NOS1: variants seen among roughly 807,000 people sequenced by gnomAD.
The protein encoded by NOS1 is NOS type I.
NOS1 carries 51 observed loss-of-function variants against 164.5 expected under a neutral mutation model. The ratio of observed to expected loss-of-function variants is 0.31; its 90% CI spans 0.25 to 0.39. The LOEUF is 0.39. Among genes scored for constraint, NOS1 ranks in the 10% least tolerant of loss-of-function variants. The probability of loss-of-function intolerance (pLI) is 1.00; values close to 1 mark genes in which losing one functional copy is unlikely to be tolerated. For synonymous variants in NOS1, 719 were observed against 745.8 expected (o/e 0.96, Z 0.59); for missense variants, 1,362 against 1,885.6 (o/e 0.72, Z 5.14).
chr12:117,270,537 C>T (rs758852783), intron 10 of NOS1, among the ~76,000 whole-genome samples: 14 of 151,810 alleles, frequency 9.2e-5, no homozygotes, highest in Non-Finnish European at 1.6e-4. Context: ...GAGTGTATGA[C>T]AGAGGAAAGT....
chr12:117,236,127 G>C (rs891501537), intron 20 of NOS1, among the ~76,000 whole-genome samples: 2 of 152,126 alleles, frequency 1.3e-5, no homozygotes, highest in Admixed American at 6.5e-5. Context: ...CTGCAAACTC[G>C]AGGATCGATT....
chr12:117,212,475 C>A lies in NOS1; in HGVS notation c.*2834G>T, dbSNP rs1184302284. 16 of 985,296 alleles carry A rather than the reference C, an allele frequency of 1.6e-5. No individual in the cohort carries two copies. The highest frequency in any genetic ancestry group is 5.2e-4 in the Middle Eastern group (1 of 1,940). The allele number at this position is 985,296 out of a possible 1,614,324, so 61.0% of individuals were successfully genotyped here. ...CTCCTCCCAAGGAGTTTAACATCAT[C>A]TCTCTGCTCTTTCACGACACAAGCT... On this transcript the variant is annotated 3_prime_UTR_variant, in exon 29 of 29. Coordinates refer to ENST00000317775, the MANE Select transcript of NOS1 (RefSeq NM_000620.5).
In NOS1 at chr12:117,285,257, T is replaced by C; in HGVS notation, c.1366A>G (p.Asn456Asp). 12 of 1,610,874 alleles carry C rather than the reference T, an allele frequency of 7.4e-6. No individual in the cohort carries two copies. The highest frequency in any genetic ancestry group is 1.0e-5 in the Non-Finnish European group (12 of 1,178,080). The part of the protein sequence containing the change: ...YICNHVKYAT[N>D]KGNLRSAITI... ...TCAGCTCACCTGAGGTTCCCTTTGT[T>C]GGTGGCATACTTGACATGGTTACAG... Residue 456 changes from asparagine (N) to aspartate (D), a missense_variant, in exon 7 of 29, where the codon AAC (asparagine) becomes GAC (aspartate). This residue lies in a region of NOS1 where 134 missense variants were observed against 267.3 expected (regional missense o/e 0.50). Coordinates refer to ENST00000317775, the MANE Select transcript of NOS1 (RefSeq NM_000620.5).
In NOS1 at chr12:117,247,464, C is replaced by A; in HGVS notation, c.2707G>T (p.Ala903Ser). Reference protein sequence around the residue: ...AYPHFCAFGHAVDTLLEELGG... With the variant: ...AYPHFCAFGHSVDTLLEELGG... Reference sequence around the variant, plus strand: ...AGTTCTTCCAGGAGGGTGTCCACAGCGTGTCCGAAGGCGCAAAAGTGAGGG... The same window carrying A: ...AGTTCTTCCAGGAGGGTGTCCACAGAGTGTCCGAAGGCGCAAAAGTGAGGG... The change falls in exon 18 of 29, where the codon GCT (alanine) becomes TCT (serine). Residue 903 changes from alanine (A) to serine (S), a missense_variant. Transcript: ENST00000317775. The A allele has an allele frequency of 6.2e-7, 1 of 1,613,008 alleles. No homozygotes were observed. The highest frequency in any genetic ancestry group is 2.2e-5 in the East Asian group (1 of 44,764).
At chr12:117,253,457 G>C (rs1871233697) in intron 17 of NOS1, among the ~76,000 whole-genome samples, 181 bp downstream of exon 17, 1 of 152,052 alleles carries the variant, frequency 6.6e-6, no homozygotes, top group African/African-American at 2.4e-5. Context: ...TGGTGCACGG[G>C]GAGACCAGGC....
rs766195009 is a variant in NOS1 at position 117,278,042 on chromosome 12, G to T, written c.1581C>A (p.Leu527=). ...GGTCATTGCCGTTGGCCTGAAGCAG[G>T]AGCGGCAGGACATCGAAGCGGCCTC... ...PPRGRFDVLP[L]LLQANGNDPE... is the part of the protein sequence containing the mutation. Residue 527 remains leucine, a synonymous_variant, in exon 9 of 29, where the codon CTC becomes CTA. Transcript: ENST00000317775. The T allele has an allele frequency of 7.4e-6, 12 of 1,614,108 alleles. No individual in the cohort carries two copies. The East Asian group carries it at 2.7e-4, about 36-fold the overall frequency.
intron 7 of NOS1, 53 bp downstream of exon 7, chr12:117,285,188 T>C: frequency 7.9e-7 from 1 of 1,271,464 alleles, no homozygotes. Flanking sequence ...CAAAGTACAA[T>C]GCTGTGGGGA....
chr12:117,286,931 C>T (rs7133438), intron 5 of NOS1, among the ~76,000 whole-genome samples: 26,780 of 152,088 alleles, frequency 0.18, 2,801 homozygotes, highest in Admixed American at 0.32. Context: ...TATAGGCATA[C>T]AGGCCGGGTA....
intron 1 of NOS1, among the ~76,000 whole-genome samples, chr12:117,361,103 G>A (rs1003237816): frequency 2.0e-5 from 3 of 152,064 alleles, no homozygotes; most frequent in Non-Finnish European, 2.9e-5. Context: ...GAAGGGGCGC[G>A]GGACGCCTGG....
At chr12:117,247,285 G>T in intron 18 of NOS1, 63 bp downstream of exon 18, 1 of 1,330,146 alleles carries the variant, frequency 7.5e-7, no homozygotes, top group Non-Finnish European at 1.0e-6. Flanking sequence ...GATGGTTTAG[G>T]TGCTGTCTTT....
intron 5 of NOS1, among the ~76,000 whole-genome samples, chr12:117,287,449 T>A (rs1448412580): frequency 6.6e-6 from 1 of 152,056 alleles, no homozygotes; most frequent in Admixed American, 6.6e-5. Flanking sequence ...TTCTTTTGTT[T>A]TTTTTTGAGA....
Position 117,210,121 on chromosome 12 carries a change from T to A in NOS1, c.*5188A>T. On this transcript the variant is annotated 3_prime_UTR_variant, in exon 29 of 29. Coordinates refer to ENST00000317775, the MANE Select transcript of NOS1 (RefSeq NM_000620.5). ...CCAAGTAGCTGGGACCACAGGAGCATGCCATCATGCCCAGCTAATTTTTTT... is the reference window on the plus strand; with the variant it reads ...CCAAGTAGCTGGGACCACAGGAGCAAGCCATCATGCCCAGCTAATTTTTTT... 1 of 535,818 alleles carries A rather than the reference T, an allele frequency of 1.9e-6. No individual in the cohort carries two copies. The highest frequency in any genetic ancestry group is 2.4e-6 in the Non-Finnish European group (1 of 420,286). The allele number at this position is 535,818 out of a possible 1,614,324, so 33.2% of individuals were successfully genotyped here.
chr12:117,282,125 C>CT (rs139639499), intron 7 of NOS1, among the ~76,000 whole-genome samples: 1,866 of 151,794 alleles, frequency 0.012, 43 homozygotes, highest in African/African-American at 0.043. Flanking sequence ...GCCCTGGTCT[C>CT]TATGTTAAAA....
chr12:117,219,022 A>G (rs1262643850), intron 27 of NOS1, among the ~76,000 whole-genome samples: 1 of 144,310 alleles, frequency 6.9e-6, no homozygotes, highest in Non-Finnish European at 1.5e-5. Context: ...TCTGTCACCC[A>G]GGCTGGAGTG....
At chr12:117,320,687 C>A (rs1292149704) in intron 2 of NOS1, among the ~76,000 whole-genome samples, 2 of 152,236 alleles carry the variant, frequency 1.3e-5, no homozygotes, top group East Asian at 1.9e-4. Flanking sequence ...GGTTGATGGG[C>A]CCACCCATGT....
chr12:117,258,369 G>T, intron 16 of NOS1, 28 bp downstream of exon 16: 1 of 1,612,582 alleles, frequency 6.2e-7, no homozygotes, highest in Non-Finnish European at 8.5e-7. Flanking sequence ...GGGGGTGGCG[G>T]GTGACGTCGG....
chr12:117,278,848 A>G lies in NOS1; in HGVS notation c.1525-750T>C, dbSNP rs559318822. Among the ~76,000 whole-genome samples, 8 of 149,474 alleles carry G rather than the reference A, an allele frequency of 5.4e-5. 1 individual carries two copies. In the South Asian group the frequency reaches 8.4e-4, roughly 16 times the overall value. On this transcript the variant is annotated intron_variant, in intron 8 of 28. Coordinates refer to ENST00000317775, the MANE Select transcript of NOS1 (RefSeq NM_000620.5). Reference sequence around the variant, plus strand: ...AGTATATTAAATATTACTATCATATATTCTAATTATATATTTGACATTAAA... The same window carrying G: ...AGTATATTAAATATTACTATCATATGTTCTAATTATATATTTGACATTAAA...
intron 20 of NOS1, among the ~76,000 whole-genome samples, chr12:117,238,021 A>G (rs1869869047): frequency 6.6e-6 from 1 of 152,128 alleles, no homozygotes; most frequent in South Asian, 2.1e-4. Context: ...AGGGATGGGG[A>G]AGAGCACGTG....
chr12:117,326,943 G>A (rs1176093256), intron 2 of NOS1, among the ~76,000 whole-genome samples: 6 of 152,152 alleles, frequency 3.9e-5, no homozygotes, highest in Admixed American at 2.0e-4. Flanking sequence ...ACTCCCTGGA[G>A]GGGAAGGACC....
Sources: gnomAD v4.1 joint callset for allele counts (sites outside exome capture counted in the v4.1 genomes callset) on GRCh38, gnomAD v4.1.1 for gene constraint, gnomAD v4.1.1 regional missense constraint, MANE v1.5 for transcripts, NCBI Gene and HGNC (gene_info 2026-07-23, HGNC 2026-07-21) for gene names.